Variants in PIK3C3 observed in about 807,000 individuals in gnomAD.
PIK3C3 encodes PI3-kinase type 3.
A neutral mutation model predicts 126.1 loss-of-function variants in PIK3C3; 95 were observed. The ratio of observed to expected loss-of-function variants is 0.75; its 90% confidence interval spans 0.64 to 0.89. The LOEUF (loss-of-function observed/expected upper bound fraction) is 0.89, where lower values mean the gene tolerates loss of function less well. PIK3C3 is among the 40% of genes least tolerant of loss of function. The probability of loss-of-function intolerance (pLI) is 0.00; values close to 1 mark genes in which losing one functional copy is unlikely to be tolerated. For synonymous variants in PIK3C3, 374 were observed against 360.0 expected, an observed-to-expected ratio of 1.04 and a Z score of -0.44; for missense variants, 829 against 1,063.2, an observed-to-expected ratio of 0.78 and a Z score of 3.06.
rs1013196973 is a variant in PIK3C3, at chr18:42,082,621, T to C, written c.*1484T>C. The stretch of plus-strand genomic sequence containing the variant: ...CTCTGTATGCTCATTCTTGTAGTTC[T>C]ATTTCTATTGAAACTTCCTCCAAAA... On this transcript the variant is annotated 3_prime_UTR_variant, in exon 25 of 25. Transcript: ENST00000262039. The C allele has an allele frequency of 1.3e-5, 2 of 152,226 alleles. No individual in the cohort carries two copies. The highest frequency in any genetic ancestry group is 2.4e-5 in the African/African-American group (1 of 41,454). The allele number at this position is 152,226 out of a possible 1,614,324, so 9.4% of individuals were successfully genotyped here.
chr18:42,042,637 G>A (rs1289725386), intron 19 of PIK3C3, among the ~76,000 whole-genome samples: 1 of 152,090 alleles, frequency 6.6e-6, no homozygotes, highest in Non-Finnish European at 1.5e-5. Flanking sequence ...GTGTAATTAC[G>A]ATTTTATAAA....
rs562801099 is a variant in PIK3C3 at position 42,044,348 on chromosome 18, T to C, written c.2188+531T>C. Among the ~76,000 whole-genome samples, 4 of 152,194 alleles carry C rather than the reference T, an allele frequency of 2.6e-5. No homozygotes were observed. In the South Asian group the frequency reaches 8.3e-4, roughly 32 times the overall value. On this transcript the variant is annotated intron_variant, in intron 20 of 24. Coordinates refer to ENST00000262039, the MANE Select transcript of PIK3C3 (RefSeq NM_002647.4). ...ATTCTTCAGGCATTTATGTCTAACT[T>C]CACGAAGGTTATATTCTACAGGATT...
intron 17 of PIK3C3, among the ~76,000 whole-genome samples, chr18:42,038,226 A>G (rs1215465809): frequency 1.3e-5 from 2 of 152,120 alleles, no homozygotes; most frequent in Non-Finnish European, 2.9e-5. Context: ...GCATGAAGTG[A>G]TAGCAACAAC....
At chr18:41,964,706 C>T (rs1980268393) in intron 3 of PIK3C3, among the ~76,000 whole-genome samples, 1 of 151,808 alleles carries the variant, frequency 6.6e-6, no homozygotes, top group African/African-American at 2.4e-5. Context: ...TTAATATTTT[C>T]TCAATTAAAA....
At chr18:42,014,443 G>A (rs143069669) in intron 11 of PIK3C3, among the ~76,000 whole-genome samples, 45 of 152,206 alleles carry the variant, frequency 3.0e-4, no homozygotes, top group African/African-American at 1.1e-3. Flanking sequence ...ACACATTATC[G>A]TGTTACAACT....
chr18:42,012,382 G>C (rs1187410017), intron 10 of PIK3C3, among the ~76,000 whole-genome samples: 1 of 152,242 alleles, frequency 6.6e-6, no homozygotes, highest in East Asian at 1.9e-4. Flanking sequence ...ATATTTACAG[G>C]AGACTTAACC....
At chr18:42,056,968 T>C (rs187010802) in intron 21 of PIK3C3, among the ~76,000 whole-genome samples, 413 of 152,080 alleles carry the variant, frequency 2.7e-3, no homozygotes, top group African/African-American at 9.3e-3. Context: ...AGTTTCATTG[T>C]ACTTAGAGAC....
chr18:42,058,375 G>A (rs1384577597), intron 22 of PIK3C3, among the ~76,000 whole-genome samples: 1 of 152,142 alleles, frequency 6.6e-6, no homozygotes, highest in Non-Finnish European at 1.5e-5. Context: ...TACTTTGACA[G>A]TACTGAGATA....
intron 12 of PIK3C3, among the ~76,000 whole-genome samples, chr18:42,016,300 A>G (rs1454068566): frequency 6.6e-6 from 1 of 152,186 alleles, no homozygotes; most frequent in Non-Finnish European, 1.5e-5. Flanking sequence ...ATAACAAAAT[A>G]TTCAACTGAA....
chr18:42,075,157 A>G (rs922776671), intron 24 of PIK3C3, among the ~76,000 whole-genome samples: 3 of 152,182 alleles, frequency 2.0e-5, no homozygotes, highest in African/African-American at 7.2e-5. Context: ...TAAAAAGAAG[A>G]GAAAAATCAT....
Position 42,081,151 on chromosome 18 carries a change from C to A in PIK3C3, c.*14C>A. On this transcript the variant is annotated 3_prime_UTR_variant, in exon 25 of 25. Transcript: ENST00000262039. ...TGGAGAAAATGAAACTGGGATTGACCCATCAAGATGCTTGGCTCAATAAGA... is the reference window on the plus strand; with the variant it reads ...TGGAGAAAATGAAACTGGGATTGACACATCAAGATGCTTGGCTCAATAAGA... 1.3e-6 allele frequency: 2 copies of A among 1,565,988 alleles called. No individual in the cohort carries two copies. Among genetic ancestry groups the A allele is most frequent in the Non-Finnish European group, 1.7e-6 (2 of 1,144,428 alleles).
intron 22 of PIK3C3, among the ~76,000 whole-genome samples, chr18:42,061,605 T>C (rs1306237968): frequency 1.3e-5 from 2 of 152,118 alleles, no homozygotes; most frequent in Non-Finnish European, 2.9e-5. Context: ...GCCTTTAAAT[T>C]TGTGTTTCTG....
In PIK3C3 at chr18:42,067,565, C is replaced by G. The variant is rs781379536; in HGVS notation, c.2649+52C>G. 3 of 1,597,346 alleles carry G rather than the reference C, an allele frequency of 1.9e-6. No homozygotes were observed. The South Asian group carries it at 3.4e-5, about 18-fold the overall frequency. The stretch of plus-strand genomic sequence containing the variant: ...TTCTCACCTTCTCCGTGTACTGCCC[C>G]AGAGTCCTTGGAGAGCCATGCATTT... On this transcript the variant is annotated intron_variant, in intron 24 of 24. Transcript: ENST00000262039.
intron 6 of PIK3C3, among the ~76,000 whole-genome samples, chr18:41,990,836 CTAAG>C (rs1270575743): frequency 6.6e-6 from 1 of 152,034 alleles, no homozygotes; most frequent in African/African-American, 2.4e-5. Context: ...AAGTAGGACA[CTAAG>C]TAATGGCTTC....
intron 6 of PIK3C3, 70 bp from the exon 7 acceptor site, chr18:41,993,200 G>A: frequency 1.2e-6 from 1 of 804,758 alleles, no homozygotes; most frequent in Admixed American, 2.3e-5. Context: ...ATACATTGAT[G>A]TGTACATCAT....
intron 6 of PIK3C3, among the ~76,000 whole-genome samples, chr18:41,991,615 T>A (rs901246720): frequency 1.3e-5 from 2 of 152,210 alleles, no homozygotes; most frequent in African/African-American, 4.8e-5. Context: ...AAGTGATTTT[T>A]AAAATATGTA....
At chr18:42,071,336 C>T (rs982027293) in intron 24 of PIK3C3, among the ~76,000 whole-genome samples, 1 of 152,106 alleles carries the variant, frequency 6.6e-6, no homozygotes, top group East Asian at 1.9e-4. Context: ...ACAATGCTTC[C>T]CATTTTTAAT....
intron 20 of PIK3C3, among the ~76,000 whole-genome samples, chr18:42,045,349 C>T (rs1270209416): frequency 2.0e-5 from 3 of 151,964 alleles, no homozygotes; most frequent in Non-Finnish European, 4.4e-5. Context: ...TTTATTTTGC[C>T]CCATTTCTCT....
rs1411242984 is a variant in PIK3C3, at chr18:42,087,532, C to A, written c.*6395C>A. The A allele has an allele frequency of 6.6e-6, 1 of 152,134 alleles. No homozygotes were observed. The highest frequency in any genetic ancestry group is 6.5e-5 in the Admixed American group (1 of 15,280). The allele number at this position is 152,134 out of a possible 1,614,324, so 9.4% of individuals were successfully genotyped here. A position where few individuals can be genotyped will look rare whatever the true frequency, so the allele number is the denominator to read the frequency against. On this transcript the variant is annotated 3_prime_UTR_variant, in exon 25 of 25. Transcript: ENST00000262039. The stretch of plus-strand genomic sequence containing the variant: ...GGCATTCACCCATGCAAGCTGCCAG[C>A]TTGTCTATGTCTGCAGCTCAACTTT...
Sources: gnomAD v4.1 joint callset for allele counts (sites outside exome capture counted in the v4.1 genomes callset) on GRCh38, gnomAD v4.1.1 for gene constraint, MANE v1.5 for transcripts, NCBI Gene and HGNC (gene_info 2026-07-23, HGNC 2026-07-21) for gene names.